Variants in CIMIP2C observed in about 807,000 individuals in gnomAD.
CIMIP2C encodes the protein UPF0573 protein C2orf70.
chr2:26,577,683 C>A, the CIMIP2C span: 7 of 1,342,820 alleles, frequency 5.2e-6, no homozygotes, highest in South Asian at 2.4e-5. Context: ...CCATGGGGCA[C>A]CTGCTCTCGG....
chr2:26,564,676 A>T, the CIMIP2C span, among the ~76,000 whole-genome samples: 1 of 152,206 alleles, frequency 6.6e-6, no homozygotes. Flanking sequence ...TCCCGACCAC[A>T]CTTGGATAAT....
chr2:26,577,633 G>C, the CIMIP2C span: 3 of 1,609,150 alleles, frequency 1.9e-6, no homozygotes, highest in Non-Finnish European at 2.6e-6. Context: ...CGTCCTGTGA[G>C]TGCCTGCCCT....
the CIMIP2C span, among the ~76,000 whole-genome samples, chr2:26,576,841 C>T: frequency 6.6e-6 from 1 of 152,226 alleles, no homozygotes; most frequent in Non-Finnish European, 1.5e-5. Flanking sequence ...CCCCAGAGAC[C>T]ACAGGTGCAT....
At chr2:26,572,154 A>T in the CIMIP2C span, 4 of 1,542,960 alleles carry the variant, frequency 2.6e-6, no homozygotes, top group Non-Finnish European at 3.5e-6. Flanking sequence ...GATTCTTAGT[A>T]AGTGCACCCC....
At chr2:26,575,692 T>A in the CIMIP2C span, among the ~76,000 whole-genome samples, 1,324 of 152,230 alleles carry the variant, frequency 8.7e-3, 17 homozygotes, top group African/African-American at 0.03. Context: ...TTAATTGTTA[T>A]TATGTTTTTA....
the CIMIP2C span, chr2:26,577,716 C>A: frequency 1.1e-6 from 1 of 933,748 alleles, no homozygotes; most frequent in South Asian, 1.5e-5. Context: ...AGCACACAGA[C>A]TGAGAAATGA....
the CIMIP2C span, among the ~76,000 whole-genome samples, chr2:26,574,802 C>T: frequency 6.6e-6 from 1 of 152,240 alleles, no homozygotes; most frequent in South Asian, 2.1e-4. Context: ...GTGGGTGATG[C>T]CCTGTGCTAC....
chr2:26,563,110 G>T, the CIMIP2C span: 1 of 186,418 alleles, frequency 5.4e-6, no homozygotes, highest in Non-Finnish European at 1.1e-5. Flanking sequence ...TTCGGGCAAG[G>T]TCAGTACTTG....
the CIMIP2C span, among the ~76,000 whole-genome samples, chr2:26,573,056 A>G: frequency 6.6e-6 from 1 of 152,226 alleles, no homozygotes; most frequent in South Asian, 2.1e-4. Flanking sequence ...ATCAGTGCGA[A>G]TGTTGCAGCG....
chr2:26,566,498 T>A, the CIMIP2C span, among the ~76,000 whole-genome samples: 16 of 152,262 alleles, frequency 1.1e-4, no homozygotes, highest in Non-Finnish European at 2.2e-4. Flanking sequence ...GTAACATTCA[T>A]CCGTATCTGT....
At chr2:26,562,907 C>T in the CIMIP2C span, 1 of 563,036 alleles carries the variant, frequency 1.8e-6, no homozygotes, top group Non-Finnish European at 3.1e-6. Context: ...CACAGGAAGG[C>T]GCTCCCTGGC....
the CIMIP2C span, chr2:26,577,574 C>T: frequency 6.2e-7 from 1 of 1,614,152 alleles, no homozygotes; most frequent in Non-Finnish European, 8.5e-7. Flanking sequence ...CCTCGAGTCC[C>T]CTACTTTGCG....
At chr2:26,572,121 A>G in the CIMIP2C span, 1 of 1,545,972 alleles carries the variant, frequency 6.5e-7, no homozygotes, top group Non-Finnish European at 8.7e-7. Context: ...TTTAGATGCC[A>G]TGGGTTGACT....
chr2:26,579,215 C>A, the CIMIP2C span: 1 of 1,544,564 alleles, frequency 6.5e-7, no homozygotes, highest in Non-Finnish European at 8.8e-7. Flanking sequence ...GGAAAGTGGG[C>A]ACGTGGGGCT....
At chr2:26,572,166 A>G in the CIMIP2C span, 86 of 1,532,224 alleles carry the variant, frequency 5.6e-5, no homozygotes, top group African/African-American at 1.1e-3. Context: ...GTGCACCCCC[A>G]TCTCCCCTCC....
the CIMIP2C span, among the ~76,000 whole-genome samples, chr2:26,565,324 C>T: frequency 1.3e-5 from 2 of 152,192 alleles, no homozygotes; most frequent in South Asian, 2.1e-4. Context: ...CTCCTGACCT[C>T]AGATGATCAA....
At chr2:26,562,614 T>TG in the CIMIP2C span, 968 of 1,578,700 alleles carry the variant, frequency 6.1e-4, 11 homozygotes, top group East Asian at 0.017. Flanking sequence ...GCACCCACCA[T>TG]GGCCTCCCGC....
the CIMIP2C span, among the ~76,000 whole-genome samples, chr2:26,575,711 CAG>C: frequency 7.9e-5 from 12 of 152,278 alleles, no homozygotes; most frequent in African/African-American, 2.9e-4. Flanking sequence ...TATGTAGAGA[CAG>C]AGTCTCACTG....
chr2:26,573,177 A>T, the CIMIP2C span, among the ~76,000 whole-genome samples: 1 of 152,056 alleles, frequency 6.6e-6, no homozygotes, highest in Non-Finnish European at 1.5e-5. Context: ...AGACTGAGGG[A>T]GGTCAAGGAA....
Sources: gnomAD v4.1 joint callset for allele counts (sites outside exome capture counted in the v4.1 genomes callset) on GRCh38, gnomAD v4.1.1 for gene constraint, MANE v1.5 for transcripts, NCBI Gene and HGNC (gene_info 2026-07-23, HGNC 2026-07-21) for gene names.